The following RSPH14 variants were observed in gnomAD, a reference collection of about 807,000 sequenced individuals.
RSPH14 encodes rhabdoid tumor deletion region gene 1.
RSPH14 carries 20 observed loss-of-function variants against 26.7 expected under a neutral mutation model. The ratio of observed to expected loss-of-function variants is 0.75; its 90% CI spans 0.53 to 1.09. The LOEUF is 1.09. Ranked by LOEUF, RSPH14 falls within the 50% of genes least tolerant of loss-of-function variation. The probability of loss-of-function intolerance (pLI) is 0.00; values close to 1 mark genes in which losing one functional copy is unlikely to be tolerated. For synonymous variants in RSPH14, 177 were observed against 189.3 expected (o/e 0.93, Z 0.53); for missense variants, 449 against 457.2 (o/e 0.98, Z 0.16).
At chr22:23,080,438 G>C (rs536370827) in intron 4 of RSPH14, among the ~76,000 whole-genome samples, 62 of 152,332 alleles carry the variant, frequency 4.1e-4, no homozygotes, top group Admixed American at 3.9e-4. Context: ...GCATAGCCTG[G>C]GGTTGTCTGT....
At chr22:23,159,147 G>A in the RSPH14 span, 1 of 1,610,314 alleles carries the variant, frequency 6.2e-7, no homozygotes, top group Admixed American at 1.7e-5. Flanking sequence ...GGGTCAACAA[G>A]GGCCATTTCT....
chr22:23,090,224 G>A (rs1264077100), intron 4 of RSPH14, among the ~76,000 whole-genome samples: 2 of 151,970 alleles, frequency 1.3e-5, no homozygotes, highest in Admixed American at 1.3e-4. Flanking sequence ...CTCCTAATAT[G>A]TCCCCTCTCC....
intron 4 of RSPH14, among the ~76,000 whole-genome samples, chr22:23,066,911 T>C (rs1011589762): frequency 3.3e-5 from 5 of 152,124 alleles, no homozygotes; most frequent in African/African-American, 4.8e-5. Flanking sequence ...ACTAGTGGAA[T>C]AGTCAGCTGG....
At chr22:23,145,418 C>A (rs1271965706), upstream of RSPH14, 7 of 1,610,346 alleles carry the variant, frequency 4.3e-6, no homozygotes, top group South Asian at 2.2e-5. Context: ...GCCAGTCCAA[C>A]GCAGACCCCG....
chr22:23,090,792 A>G (rs984728213), intron 4 of RSPH14, among the ~76,000 whole-genome samples: 5 of 152,132 alleles, frequency 3.3e-5, no homozygotes, highest in African/African-American at 1.2e-4. Context: ...CCACTGTAGC[A>G]CTGGGCACCT....
chr22:23,117,375 C>G (rs959989951), intron 4 of RSPH14, among the ~76,000 whole-genome samples: 5 of 152,224 alleles, frequency 3.3e-5, no homozygotes, highest in African/African-American at 9.7e-5. Flanking sequence ...GCCACAGGAG[C>G]CTCCCAAAGA....
chr22:23,073,396 G>C lies in RSPH14; in HGVS notation c.422-9263C>G, dbSNP rs533446716. 2.0e-5 allele frequency among the ~76,000 whole-genome samples: 3 copies of C among 152,352 alleles called. No individual in the cohort carries two copies. In the South Asian group the frequency reaches 6.2e-4, roughly 32 times the overall value. ...TGCTGCGGCCTGGGCAGAATGAAGA[G>C]GGACGTGGGAGCACCCAGACTGTTG... is the stretch of plus-strand genomic sequence containing the variant. On this transcript the variant is annotated intron_variant, in intron 4 of 6. Coordinates refer to ENST00000216036, the MANE Select transcript of RSPH14 (RefSeq NM_014433.3).
intron 4 of RSPH14, among the ~76,000 whole-genome samples, chr22:23,078,354 C>T (rs1408761317): frequency 6.6e-6 from 1 of 152,176 alleles, no homozygotes; most frequent in Non-Finnish European, 1.5e-5. Context: ...ATGATAACAC[C>T]ACGCACGCAA....
chr22:23,140,188 C>A (rs2070564591), intron 2 of RSPH14, 34 bp downstream of exon 2: 1 of 1,609,456 alleles, frequency 6.2e-7, no homozygotes, highest in Admixed American at 1.7e-5. Flanking sequence ...TGCTAGGACC[C>A]CAGTCATGGT....
intron 4 of RSPH14, among the ~76,000 whole-genome samples, chr22:23,130,107 GAA>G (rs1244843727): frequency 1.2e-5 from 1 of 86,072 alleles, no homozygotes; most frequent in Non-Finnish European, 2.6e-5. Flanking sequence ...AAGAAAGAAA[GAA>G]AGAAAGAAAG....
chr22:23,088,070 A>G (rs1444254508), intron 4 of RSPH14, among the ~76,000 whole-genome samples: 1 of 152,230 alleles, frequency 6.6e-6, no homozygotes, highest in Non-Finnish European at 1.5e-5. Flanking sequence ...TACACCCAGG[A>G]ATGAACAAGG....
chr22:23,074,679 A>G (rs372239857), intron 4 of RSPH14, among the ~76,000 whole-genome samples: 11 of 152,256 alleles, frequency 7.2e-5, no homozygotes, highest in African/African-American at 2.6e-4. Flanking sequence ...GGGGAGGATG[A>G]GTTGAGAAGC....
At chr22:23,140,575 T>C (rs2070578726) in intron 1 of RSPH14, 103 bp from the exon 2 acceptor site, 1 of 1,297,678 alleles carries the variant, frequency 7.7e-7, no homozygotes, top group Non-Finnish European at 1.0e-6. Flanking sequence ...TATTTTTACT[T>C]TCATTTTACA....
intron 4 of RSPH14, among the ~76,000 whole-genome samples, chr22:23,126,059 G>A (rs2070175563): frequency 6.6e-6 from 1 of 152,180 alleles, no homozygotes; most frequent in Non-Finnish European, 1.5e-5. Context: ...AACCCAGAGG[G>A]GCTTTTGTTT....
At chr22:23,156,107 C>A in the RSPH14 span, 2 of 1,258,756 alleles carry the variant, frequency 1.6e-6, no homozygotes, top group Non-Finnish European at 2.2e-6. Flanking sequence ...GTGGGAATCC[C>A]GAGTTCTCTG....
chr22:23,090,485 A>G (rs563181788), intron 4 of RSPH14, among the ~76,000 whole-genome samples: 11 of 152,256 alleles, frequency 7.2e-5, no homozygotes, highest in Admixed American at 2.6e-4. Context: ...CTGGTCACAC[A>G]GGGCAGGTCA....
rs368036183 is a variant in RSPH14 at position 23,070,756 on chromosome 22, G to C, written c.422-6623C>G. The C allele has an allele frequency of 7.7e-3, 1,170 of 152,404 alleles. 12 individuals are homozygous for C. Among genetic ancestry groups the C allele is most frequent in the Non-Finnish European group, 0.013 (858 of 68,160 alleles). 9.4% of individuals were successfully genotyped at this position (152,404 alleles called of 1,614,324 possible). ...CACCAAGGGCGGGGACGCCTGCGAG[G>C]TGGGCAGGGGGCGGCCTCTGGTCGG... On this transcript the variant is annotated intron_variant, in intron 4 of 6. Transcript: ENST00000216036.
chr22:23,161,593 C>T, the RSPH14 span: 7 of 1,544,394 alleles, frequency 4.5e-6, no homozygotes, highest in East Asian at 1.6e-4. Context: ...GCCTCCGCTC[C>T]CTGCACACAC....
the RSPH14 span, chr22:23,160,968 C>T: frequency 4.6e-3 from 7,452 of 1,612,842 alleles, 465 homozygotes; most frequent in Admixed American, 0.11. Context: ...GAGCAGTGCC[C>T]GGCTCCAGGT....
Sources: allele counts gnomAD v4.1 joint callset (sites outside exome capture counted in the v4.1 genomes callset), GRCh38; gene constraint gnomAD v4.1.1; transcripts MANE v1.5; gene names NCBI Gene and HGNC (gene_info 2026-07-23, HGNC 2026-07-21).